Variants in CABLES1 observed in about 807,000 individuals in gnomAD.
CABLES1 encodes the protein Cdk5 and Abl enzyme substrate 1.
Under a neutral mutation model 57.8 loss-of-function variants are expected in CABLES1, and 36 were observed. That is an observed-to-expected ratio of 0.62 (90% CI 0.48 to 0.82). The LOEUF is 0.82. CABLES1 is among the 40% of genes least tolerant of loss of function. The pLI, the probability that CABLES1 is intolerant of heterozygous loss-of-function variation, is 0.00. For missense variants in CABLES1, 767 were observed against 836.6 expected (o/e 0.92, Z 1.03); for synonymous variants, 374 against 363.0 (o/e 1.03, Z -0.35).
At chr18:23,147,040 G>A (rs1376321102) in intron 1 of CABLES1, among the ~76,000 whole-genome samples, 1 of 152,166 alleles carries the variant, frequency 6.6e-6, no homozygotes, top group Non-Finnish European at 1.5e-5. Context: ...GCAAGCCAGC[G>A]CCTTCTCATC....
chr18:23,136,509 C>T lies in CABLES1; in HGVS notation c.747C>T (p.Pro249=), dbSNP rs202226147. 8.8e-6 allele frequency: 14 copies of T among 1,596,386 alleles called. 1 individual carries two copies. The highest frequency in any genetic ancestry group is 2.3e-5 in the East Asian group (1 of 43,282). Residue 249 remains proline (P), a synonymous_variant, in exon 1 of 10, where the codon CCC becomes CCT. Transcript: ENST00000256925. ...ACTCGTTCACTCAGGGAATCCTGCC[C>T]ATCGCCTTCTCCAGGCCGACTTCGC... is the stretch of plus-strand genomic sequence containing the variant. ...RLNSFTQGIL[P]IAFSRPTSQN... is the part of the protein sequence containing the mutation.
intron 1 of CABLES1, among the ~76,000 whole-genome samples, chr18:23,159,881 CT>C (rs59748694): frequency 0.011 from 1,616 of 142,164 alleles, 12 homozygotes; most frequent in African/African-American, 0.032. Flanking sequence ...GATTTTCTTT[CT>C]TTTTTTTTTT....
At chr18:23,168,897 C>A (rs563499532) in intron 1 of CABLES1, among the ~76,000 whole-genome samples, 1 of 150,344 alleles carries the variant, frequency 6.7e-6, no homozygotes, top group Admixed American at 6.6e-5. Context: ...AGAGCAGCTC[C>A]TTCTTAAATA....
At chr18:23,142,007 G>T (rs930421751) in intron 1 of CABLES1, among the ~76,000 whole-genome samples, 1 of 152,156 alleles carries the variant, frequency 6.6e-6, no homozygotes, top group Non-Finnish European at 1.5e-5. Context: ...AGACTCCTGG[G>T]TTCTGGGTCT....
intron 7 of CABLES1, among the ~76,000 whole-genome samples, chr18:23,251,382 C>T (rs1167101143): frequency 5.9e-5 from 9 of 152,034 alleles, no homozygotes; most frequent in African/African-American, 1.9e-4. Flanking sequence ...ACCCAAGAGG[C>T]GGAGGTTGCA....
intron 7 of CABLES1, among the ~76,000 whole-genome samples, chr18:23,245,260 C>T (rs1032872231): frequency 1.3e-5 from 2 of 152,142 alleles, no homozygotes; most frequent in Non-Finnish European, 2.9e-5. Flanking sequence ...GTAACCCCAA[C>T]GCTTTGGGAG....
intron 4 of CABLES1, chr18:23,219,325 G>A (rs2047469115): frequency 2.2e-6 from 1 of 454,056 alleles, no homozygotes; most frequent in African/African-American, 2.0e-5. Context: ...TGAGTCCTAA[G>A]CAATGTCTGA....
intron 7 of CABLES1, among the ~76,000 whole-genome samples, chr18:23,243,468 GTTTT>G (rs551293348): frequency 9.8e-6 from 1 of 101,876 alleles, no homozygotes; most frequent in African/African-American, 3.6e-5. Flanking sequence ...TGGGTTTGGT[GTTTT>G]TTTTTTTTTT....
At chr18:23,215,727 C>T (rs2047436773) in intron 4 of CABLES1, among the ~76,000 whole-genome samples, 1 of 152,094 alleles carries the variant, frequency 6.6e-6, no homozygotes, top group African/African-American at 2.4e-5. Flanking sequence ...AAATTACACA[C>T]ACAATTAACT....
At chr18:23,251,442 C>T (rs563199537) in intron 7 of CABLES1, among the ~76,000 whole-genome samples, 2 of 152,120 alleles carry the variant, frequency 1.3e-5, no homozygotes, top group South Asian at 2.1e-4. Context: ...CAGAGCATGA[C>T]TCCGTCTCAA....
chr18:23,184,436 C>T (rs2047188560), intron 1 of CABLES1, among the ~76,000 whole-genome samples: 1 of 152,126 alleles, frequency 6.6e-6, no homozygotes, highest in Non-Finnish European at 1.5e-5. Flanking sequence ...GGCATGGTAG[C>T]TCATGGCTAT....
At chr18:23,195,807 A>C (rs1419164310) in intron 3 of CABLES1, among the ~76,000 whole-genome samples, 3 of 152,164 alleles carry the variant, frequency 2.0e-5, no homozygotes, top group African/African-American at 7.2e-5. Flanking sequence ...TGCTTTATTT[A>C]ACCATTGCTA....
rs1014935290 is a variant in CABLES1, at chr18:23,222,530, CTG to C, written c.1088+8478_1088+8479del. On this transcript the variant is annotated intron_variant, in intron 4 of 9. Transcript: ENST00000256925. The stretch of plus-strand genomic sequence containing the variant: ...TAGTGCTCACGTTCTCTCTCTCTCT[CTG>C]TCTCTCTCTCTATATATATCTATAT... Among the ~76,000 whole-genome samples the C allele has an allele frequency of 1.7e-4, 23 of 134,592 alleles. No individual in the cohort carries two copies. In the East Asian group the frequency reaches 1.7e-3, roughly 10 times the overall value. 88.3% of individuals were successfully genotyped at this position (134,592 alleles called of 152,430 possible). A position where few individuals can be genotyped will look rare whatever the true frequency, so the allele number is the denominator to read the frequency against.
chr18:23,200,370 C>T (rs1021529981), intron 3 of CABLES1, among the ~76,000 whole-genome samples: 3 of 151,988 alleles, frequency 2.0e-5, no homozygotes, highest in African/African-American at 7.3e-5. Flanking sequence ...CACCATTCTC[C>T]TGCCTCAGCC....
chr18:23,240,718 C>T (rs765763024), intron 7 of CABLES1, among the ~76,000 whole-genome samples: 5 of 152,184 alleles, frequency 3.3e-5, no homozygotes, highest in East Asian at 1.9e-4. Context: ...CCGTCTTCCT[C>T]GGGCCCCCAG....
chr18:23,141,361 C>T (rs921480115), intron 1 of CABLES1, among the ~76,000 whole-genome samples: 3 of 152,150 alleles, frequency 2.0e-5, no homozygotes, highest in African/African-American at 4.8e-5. Context: ...AATGTGAGCC[C>T]ACCACAGATC....
At chr18:23,178,073 A>G (rs1333733115) in intron 1 of CABLES1, among the ~76,000 whole-genome samples, 1 of 152,020 alleles carries the variant, frequency 6.6e-6, no homozygotes, top group Non-Finnish European at 1.5e-5. Flanking sequence ...TTCCCTTTCC[A>G]ATATTCCCTT....
intron 1 of CABLES1, among the ~76,000 whole-genome samples, chr18:23,176,224 C>G (rs1254351862): frequency 7.2e-5 from 11 of 152,210 alleles, no homozygotes; most frequent in African/African-American, 2.4e-4. Context: ...TTTCCATGCA[C>G]TGGGGGTGGG....
chr18:23,170,872 C>T (rs2047077364), intron 1 of CABLES1, among the ~76,000 whole-genome samples: 1 of 152,238 alleles, frequency 6.6e-6, no homozygotes, highest in South Asian at 2.1e-4. Flanking sequence ...TCTTGGCTCA[C>T]TGCAACCTCC....
Sources: gnomAD v4.1 joint callset for allele counts (sites outside exome capture counted in the v4.1 genomes callset) on GRCh38, gnomAD v4.1.1 for gene constraint, MANE v1.5 for transcripts, NCBI Gene and HGNC (gene_info 2026-07-23, HGNC 2026-07-21) for gene names.